NOMO1: variants seen among roughly 807,000 people sequenced by gnomAD.
The protein encoded by NOMO1 is nodal modulator 3.
A neutral mutation model predicts 133.8 loss-of-function variants in NOMO1; 40 were observed. The ratio of observed to expected loss-of-function variants is 0.30; its 90% CI spans 0.23 to 0.39. The LOEUF is 0.39. Ranked by LOEUF, NOMO1 falls within the 10% of genes least tolerant of loss-of-function variation. The pLI is 1.00. For synonymous variants in NOMO1, 236 were observed against 570.5 expected, an observed-to-expected ratio of 0.41 and a Z score of 8.36; for missense variants, 462 against 1,419.9, an observed-to-expected ratio of 0.33 and a Z score of 10.84.
intron 28 of NOMO1, among the ~76,000 whole-genome samples, chr16:14,887,485 A>G (rs530901391): frequency 6.6e-6 from 1 of 151,300 alleles, no homozygotes; most frequent in East Asian, 1.9e-4. Context: ...TATTTTTAGT[A>G]GAGACGGGGT....
intron 6 of NOMO1, among the ~76,000 whole-genome samples, chr16:14,849,613 A>G (rs1778473480): frequency 7.0e-6 from 1 of 143,340 alleles, no homozygotes. Context: ...TTAAAGACGG[A>G]GTCTCGCTCT....
intron 2 of NOMO1, among the ~76,000 whole-genome samples, chr16:14,839,076 A>T (rs556028477): frequency 3.6e-4 from 54 of 150,052 alleles, no homozygotes; most frequent in African/African-American, 1.2e-3. Context: ...TTCTTTTGAG[A>T]TGGAGTCTCG....
chr16:14,856,315 C>T (rs2606828), intron 9 of NOMO1, among the ~76,000 whole-genome samples: 10 of 151,644 alleles, frequency 6.6e-5, no homozygotes, highest in Non-Finnish European at 7.3e-5. Context: ...GAGAAAGCAC[C>T]GGTGTGCTGC....
chr16:14,857,584 C>T lies in NOMO1; in HGVS notation c.1149C>T (p.His383=). Residue 383 remains histidine (H), a synonymous_variant, in exon 11 of 31, where the codon CAC becomes CAT. Coordinates refer to ENST00000287667, the MANE Select transcript of NOMO1 (RefSeq NM_014287.4). ...GTYTIHAQKE[H]LYFETVTIKI... ...ACACCATCCATGCTCAGAAAGAGCACCTCTACTTTGAAACGGTCACCATCA... is the reference window on the plus strand; with the variant it reads ...ACACCATCCATGCTCAGAAAGAGCATCTCTACTTTGAAACGGTCACCATCA... The T allele has an allele frequency of 6.2e-7, 1 of 1,612,646 alleles. No individual in the cohort carries two copies. Among genetic ancestry groups the T allele is most frequent in the Non-Finnish European group, 8.5e-7 (1 of 1,179,586 alleles).
At chr16:14,841,695 A>G (rs1216708211) in intron 3 of NOMO1, among the ~76,000 whole-genome samples, 1 of 151,388 alleles carries the variant, frequency 6.6e-6, no homozygotes, top group African/African-American at 2.4e-5. Context: ...GTGGAACAGT[A>G]TAGAAATCAA....
At chr16:14,893,881 G>A (rs994877378) in intron 29 of NOMO1, among the ~76,000 whole-genome samples, 13 of 152,042 alleles carry the variant, frequency 8.6e-5, no homozygotes, top group Admixed American at 1.3e-4. Context: ...TCCACTGTGC[G>A]CTTGCGAATG....
intron 18 of NOMO1, among the ~76,000 whole-genome samples, chr16:14,874,685 C>T (rs1048269901): frequency 1.3e-5 from 2 of 151,924 alleles, no homozygotes; most frequent in Non-Finnish European, 2.9e-5. Context: ...ATCCTTGGTG[C>T]CTAGTTCTCT....
At chr16:14,855,432 T>C (rs1963819615) in intron 9 of NOMO1, among the ~76,000 whole-genome samples, 1 of 151,672 alleles carries the variant, frequency 6.6e-6, no homozygotes, top group Non-Finnish European at 1.5e-5. Context: ...CACCCAATGT[T>C]AGAGTTATCG....
chr16:14,853,730 G>A, intron 8 of NOMO1, 126 bp downstream of exon 8: 2 of 950,526 alleles, frequency 2.1e-6, no homozygotes, highest in South Asian at 1.5e-5. Context: ...CTGTTAAGCA[G>A]TAACTTACTT....
chr16:14,841,953 C>T (rs902899252), intron 3 of NOMO1, among the ~76,000 whole-genome samples: 6 of 151,826 alleles, frequency 4.0e-5, no homozygotes, highest in Admixed American at 3.3e-4. Flanking sequence ...GTCCCTGCCC[C>T]ACTGGGTACT....
At chr16:14,878,961 T>G in intron 23 of NOMO1, 127 bp downstream of exon 23, 5 of 1,145,214 alleles carry the variant, frequency 4.4e-6, no homozygotes, top group Non-Finnish European at 6.6e-6. Flanking sequence ...TTTCAGTTTC[T>G]TGGGGGCCCA....
intron 5 of NOMO1, 146 bp downstream of exon 5, chr16:14,846,829 C>G: frequency 1.6e-6 from 2 of 1,273,158 alleles, no homozygotes; most frequent in Non-Finnish European, 2.2e-6. Context: ...CGTCAGAGTG[C>G]TGAGTTCCCC....
In NOMO1 at chr16:14,833,987, G is replaced by T; in HGVS notation, c.136G>T (p.Asp46Tyr). The change falls in exon 1 of 31, where the codon GAC (aspartate) becomes TAC (tyrosine). Residue 46 changes from aspartate (D) to tyrosine (Y), a missense_variant. Transcript: ENST00000287667. Reference protein sequence around the residue: ...VVGCGGFVKSDVEINYSLIEI... With the variant: ...VVGCGGFVKSYVEINYSLIEI... ...GGGCTGCGGTGGCTTCGTCAAGTCG[G>T]ACGTGGAGATCAACTACTCTCTCAT... 1 of 516,486 alleles carries T rather than the reference G, an allele frequency of 1.9e-6. No individual in the cohort carries two copies. Among genetic ancestry groups the T allele is most frequent in the Non-Finnish European group, 2.8e-6 (1 of 355,630 alleles). The allele number at this position is 516,486 out of a possible 1,614,324, so 32.0% of individuals were successfully genotyped here. A position where few individuals can be genotyped will look rare whatever the true frequency, so the allele number is the denominator to read the frequency against.
rs368622455 is a variant in NOMO1, at chr16:14,857,563, C to T, written c.1128C>T (p.Thr376=). ...AGAACATAACCACAGGGACATACACCATCCATGCTCAGAAAGAGCACCTCT... is the reference window on the plus strand; with the variant it reads ...AGAACATAACCACAGGGACATACACTATCCATGCTCAGAAAGAGCACCTCT... ...RLENITTGTY[T]IHAQKEHLYF... Residue 376 remains threonine (T), a synonymous_variant, in exon 11 of 31, where the codon ACC becomes ACT. Coordinates refer to ENST00000287667, the MANE Select transcript of NOMO1 (RefSeq NM_014287.4). 6.3e-5 allele frequency: 102 copies of T among 1,611,518 alleles called. 1 individual carries two copies. The highest frequency in any genetic ancestry group is 8.2e-5 in the Non-Finnish European group (97 of 1,179,126).
intron 29 of NOMO1, among the ~76,000 whole-genome samples, chr16:14,892,249 A>C (rs1363037063): frequency 6.6e-6 from 1 of 151,956 alleles, no homozygotes; most frequent in African/African-American, 2.4e-5. Context: ...TTTCAAAAAA[A>C]AAAAAGAAAG....
At chr16:14,865,253 CT>C (rs1963977394) in intron 14 of NOMO1, 98 bp downstream of exon 14, 1 of 620,996 alleles carries the variant, frequency 1.6e-6, no homozygotes, top group Non-Finnish European at 2.9e-6. Flanking sequence ...GACCATGTAC[CT>C]TTCCTTGTTT....
intron 15 of NOMO1, 22 bp downstream of exon 15, chr16:14,866,713 T>G (rs377053115): frequency 3.7e-6 from 6 of 1,609,726 alleles, no homozygotes; most frequent in African/African-American, 2.7e-5. Flanking sequence ...TTATTGAGTC[T>G]CTTATTTGGA....
At chr16:14,874,014 C>T (rs924858549) in intron 18 of NOMO1, among the ~76,000 whole-genome samples, 30 of 148,552 alleles carry the variant, frequency 2.0e-4, no homozygotes, top group Non-Finnish European at 4.0e-4. Context: ...ACCACTTGGC[C>T]CTCAGCCTTG....
At chr16:14,851,077 C>G (rs1963751380) in intron 6 of NOMO1, among the ~76,000 whole-genome samples, 2 of 72,058 alleles carry the variant, frequency 2.8e-5, no homozygotes, top group African/African-American at 7.6e-5. Context: ...GAGTGAGACT[C>G]CATCTCAAAA....
Sources: allele counts gnomAD v4.1 joint callset (sites outside exome capture counted in the v4.1 genomes callset), GRCh38; gene constraint gnomAD v4.1.1; transcripts MANE v1.5; gene names NCBI Gene and HGNC (gene_info 2026-07-23, HGNC 2026-07-21).